The following ENTREP2 variants were observed in gnomAD, a reference collection of about 807,000 sequenced individuals.
The protein encoded by ENTREP2 is protein ENTREP2.
chr15:29,533,460 C>T, the ENTREP2 span, among the ~76,000 whole-genome samples: 1 of 152,146 alleles, frequency 6.6e-6, no homozygotes, highest in Non-Finnish European at 1.5e-5. Flanking sequence ...GGACTAGACT[C>T]GGGGATAAGA....
chr15:29,159,406 A>G, the ENTREP2 span, among the ~76,000 whole-genome samples: 4 of 152,310 alleles, frequency 2.6e-5, no homozygotes, highest in Admixed American at 2.0e-4. Flanking sequence ...TGCAAACAGC[A>G]TAATAACAAA....
the ENTREP2 span, among the ~76,000 whole-genome samples, chr15:29,319,133 C>T: frequency 2.0e-4 from 30 of 152,352 alleles, no homozygotes; most frequent in Non-Finnish European, 3.8e-4. Context: ...GGGAGACCCT[C>T]ACAACCGCCA....
the ENTREP2 span, among the ~76,000 whole-genome samples, chr15:29,399,269 A>G: frequency 2.1e-3 from 319 of 152,330 alleles, 1 homozygote; most frequent in African/African-American, 7.0e-3. Context: ...ACAGGACCCA[A>G]TTAAAACACT....
At chr15:29,214,423 C>A in the ENTREP2 span, among the ~76,000 whole-genome samples, 1 of 152,130 alleles carries the variant, frequency 6.6e-6, no homozygotes, top group Non-Finnish European at 1.5e-5. Flanking sequence ...ATCATCTCAG[C>A]AAACTATCGC....
the ENTREP2 span, among the ~76,000 whole-genome samples, chr15:29,653,143 A>G: frequency 6.6e-6 from 1 of 152,180 alleles, no homozygotes; most frequent in African/African-American, 2.4e-5. Context: ...CTGCACCTTA[A>G]CACAAAACAA....
At chr15:29,278,354 G>A in the ENTREP2 span, among the ~76,000 whole-genome samples, 1 of 152,228 alleles carries the variant, frequency 6.6e-6, no homozygotes, top group Admixed American at 6.5e-5. Context: ...GGTACTTGTG[G>A]GGTCTGTGCT....
the ENTREP2 span, among the ~76,000 whole-genome samples, chr15:29,529,903 G>A: frequency 2.6e-5 from 4 of 152,128 alleles, no homozygotes; most frequent in Admixed American, 1.3e-4. Flanking sequence ...GAAGTTAAGC[G>A]GTGTTTCTTT....
the ENTREP2 span, among the ~76,000 whole-genome samples, chr15:29,476,183 CA>C: frequency 6.6e-6 from 1 of 152,186 alleles, no homozygotes; most frequent in Non-Finnish European, 1.5e-5. Flanking sequence ...TCTATCCCCC[CA>C]AATAACAATG....
the ENTREP2 span, among the ~76,000 whole-genome samples, chr15:29,207,739 C>T: frequency 6.6e-6 from 1 of 152,102 alleles, no homozygotes; most frequent in African/African-American, 2.4e-5. Context: ...GCTGGCTTCA[C>T]CTCTCTCTTC....
chr15:29,655,399 G>C, the ENTREP2 span, among the ~76,000 whole-genome samples: 2 of 152,162 alleles, frequency 1.3e-5, no homozygotes, highest in African/African-American at 4.8e-5. Flanking sequence ...CCCCACACTA[G>C]CAGAAGAGGA....
chr15:29,432,914 C>T, the ENTREP2 span, among the ~76,000 whole-genome samples: 1 of 152,234 alleles, frequency 6.6e-6, no homozygotes, highest in Non-Finnish European at 1.5e-5. Context: ...CTACCCCCAA[C>T]AGGCACCGGG....
the ENTREP2 span, among the ~76,000 whole-genome samples, chr15:29,529,828 A>G: frequency 6.6e-6 from 1 of 152,180 alleles, no homozygotes; most frequent in Non-Finnish European, 1.5e-5. Context: ...TTTTAGATAT[A>G]GCAAAAACTC....
chr15:29,515,431 T>C, the ENTREP2 span, among the ~76,000 whole-genome samples: 1 of 152,226 alleles, frequency 6.6e-6, no homozygotes, highest in Non-Finnish European at 1.5e-5. Context: ...GATGACCACC[T>C]GCATTGGTGA....
the ENTREP2 span, among the ~76,000 whole-genome samples, chr15:29,533,171 C>T: frequency 6.6e-6 from 1 of 152,218 alleles, no homozygotes; most frequent in African/African-American, 2.4e-5. Flanking sequence ...GCTGCCCAGC[C>T]AGGAAGCACC....
At chr15:29,460,125 G>A in the ENTREP2 span, among the ~76,000 whole-genome samples, 1 of 121,848 alleles carries the variant, frequency 8.2e-6, no homozygotes, top group African/African-American at 3.0e-5. Context: ...GGTGGTGCAC[G>A]CCTGTAGTCC....
chr15:29,627,462 G>C, the ENTREP2 span, among the ~76,000 whole-genome samples: 1 of 150,532 alleles, frequency 6.6e-6, no homozygotes, highest in South Asian at 2.1e-4. Flanking sequence ...AGAATTGCTT[G>C]AACCTGAGAG....
At chr15:29,214,163 A>T in the ENTREP2 span, among the ~76,000 whole-genome samples, 1 of 152,206 alleles carries the variant, frequency 6.6e-6, no homozygotes, top group Non-Finnish European at 1.5e-5. Flanking sequence ...TAGAAATACC[A>T]TTTGACCCAG....
the ENTREP2 span, among the ~76,000 whole-genome samples, chr15:29,281,179 T>A: frequency 6.6e-6 from 1 of 152,238 alleles, no homozygotes; most frequent in Non-Finnish European, 1.5e-5. Context: ...TTACGCTTAA[T>A]CCTTTGTGCC....
chr15:29,205,364 A>G, the ENTREP2 span, among the ~76,000 whole-genome samples: 1 of 152,104 alleles, frequency 6.6e-6, no homozygotes, highest in South Asian at 2.1e-4. Context: ...TCATGTGGCA[A>G]TTCTCTGTTT....
Sources: gnomAD v4.1 joint callset for allele counts (sites outside exome capture counted in the v4.1 genomes callset) on GRCh38, gnomAD v4.1.1 for gene constraint, MANE v1.5 for transcripts, NCBI Gene and HGNC (gene_info 2026-07-23, HGNC 2026-07-21) for gene names.